The following TSHR variants were observed in gnomAD, a reference collection of about 807,000 sequenced individuals.
TSHR encodes the protein thyroid stimulating hormone receptor, also known as thyrotropin receptor.
A neutral mutation model predicts 64.1 loss-of-function variants in TSHR; 51 were observed. The ratio of observed to expected loss-of-function variants is 0.80; its 90% CI spans 0.64 to 1.01. The LOEUF (loss-of-function observed/expected upper bound fraction) is 1.01. TSHR is among the 50% of genes least tolerant of loss of function. The pLI is 0.00. For missense variants in TSHR, 877 were observed against 942.8 expected (o/e 0.93, Z 0.91); for synonymous variants, 361 against 361.9 (o/e 1.00, Z 0.03).
At chr14:81,021,980 C>T (rs756351166) in intron 1 of TSHR, among the ~76,000 whole-genome samples, 4 of 151,848 alleles carry the variant, frequency 2.6e-5, no homozygotes, top group East Asian at 3.9e-4. Flanking sequence ...TTACAGTAAT[C>T]GGCCGCGTGC....
intron 1 of TSHR, among the ~76,000 whole-genome samples, chr14:80,978,895 A>G (rs749374124): frequency 8.5e-5 from 13 of 152,284 alleles, no homozygotes; most frequent in South Asian, 4.2e-4. Flanking sequence ...ACACTTCTCC[A>G]GCCTCGCCTA....
rs1191129715 is a variant in TSHR at position 80,985,206 on chromosome 14, C to T, written c.170+29356C>T. ...CGGAGCTTGCAGTGGGCGGAGATCG[C>T]GCCACTGCACTCCAGCCTGGGCGAC... is the stretch of plus-strand genomic sequence containing the variant. On this transcript the variant is annotated intron_variant, in intron 1 of 9. Transcript: ENST00000298171. Among the ~76,000 whole-genome samples the T allele has an allele frequency of 3.9e-5, 6 of 152,186 alleles. No homozygotes were observed. In the South Asian group the frequency reaches 8.3e-4, roughly 21 times the overall value.
At chr14:81,138,078 A>G (rs1891524154) in intron 8 of TSHR, among the ~76,000 whole-genome samples, 1 of 152,174 alleles carries the variant, frequency 6.6e-6, no homozygotes, top group Non-Finnish European at 1.5e-5. Context: ...TCTGGCTCAA[A>G]AGTCCCTCCA....
intron 1 of TSHR, among the ~76,000 whole-genome samples, chr14:80,986,305 C>T (rs950380616): frequency 6.6e-6 from 1 of 152,012 alleles, no homozygotes; most frequent in Non-Finnish European, 1.5e-5. Flanking sequence ...GTAAAAAATA[C>T]AGATAGAGAG....
chr14:81,044,772 GA>G (rs1041732271), intron 1 of TSHR, among the ~76,000 whole-genome samples: 98 of 152,004 alleles, frequency 6.4e-4, no homozygotes, highest in African/African-American at 2.2e-3. Context: ...AGATTGCAGA[GA>G]AAAAAAGAAT....
In TSHR at chr14:80,992,859, C is replaced by A. The variant is rs1328352383; in HGVS notation, c.170+37009C>A. ...AAAAACAGGAAAGAGACCGATGAAG[C>A]TTCTAAAAATATTAACTTATTAATA... On this transcript the variant is annotated intron_variant, in intron 1 of 9. Coordinates refer to ENST00000298171, the MANE Select transcript of TSHR (RefSeq NM_000369.5). 3 of 152,128 alleles carry A rather than the reference C, an allele frequency of 2.0e-5. No homozygotes were observed. In the East Asian group the frequency reaches 5.8e-4, roughly 29 times the overall value. The allele number at this position is 152,128 out of a possible 1,614,324, so 9.4% of individuals were successfully genotyped here. A position where few individuals can be genotyped will look rare whatever the true frequency, so the allele number is the denominator to read the frequency against.
intron 8 of TSHR, among the ~76,000 whole-genome samples, chr14:81,112,988 G>C (rs755531034): frequency 1.3e-5 from 2 of 152,288 alleles, no homozygotes; most frequent in South Asian, 4.1e-4. Flanking sequence ...CAGGTCTTTT[G>C]ATTTGCTCTT....
chr14:81,000,678 C>T (rs1176034448), intron 1 of TSHR, among the ~76,000 whole-genome samples: 1 of 152,186 alleles, frequency 6.6e-6, no homozygotes, highest in Non-Finnish European at 1.5e-5. Flanking sequence ...TCTCTCTCCT[C>T]CTATTCTCTC....
chr14:81,109,364 G>A (rs984298950), intron 8 of TSHR, among the ~76,000 whole-genome samples: 16 of 152,028 alleles, frequency 1.1e-4, no homozygotes, highest in Non-Finnish European at 1.5e-4. Flanking sequence ...AGCCCAGATC[G>A]TGCCACTGCA....
intron 1 of TSHR, among the ~76,000 whole-genome samples, chr14:81,029,117 G>C (rs1254445837): frequency 6.6e-6 from 1 of 151,914 alleles, no homozygotes; most frequent in Non-Finnish European, 1.5e-5. Context: ...GAATCATTCT[G>C]TAACCTTTAA....
chr14:81,067,405 G>A (rs1886698612), intron 2 of TSHR, among the ~76,000 whole-genome samples: 1 of 150,700 alleles, frequency 6.6e-6, no homozygotes, highest in African/African-American at 2.4e-5. Flanking sequence ...AGAACTTACA[G>A]TCTAGTGAGA....
At chr14:81,129,309 CCTCATATCCTCA>C (rs1891141564) in intron 8 of TSHR, among the ~76,000 whole-genome samples, 1 of 152,098 alleles carries the variant, frequency 6.6e-6, no homozygotes, top group Admixed American at 6.5e-5. Flanking sequence ...CTCTCACCTC[CCTCATATCCTCA>C]CTCTTTCCTT....
intron 3 of TSHR, among the ~76,000 whole-genome samples, chr14:81,083,415 G>T (rs1350280296): frequency 6.6e-6 from 1 of 150,918 alleles, no homozygotes; most frequent in South Asian, 2.1e-4. Flanking sequence ...ATTAGACAAT[G>T]AATATTTACA....
intron 1 of TSHR, among the ~76,000 whole-genome samples, chr14:80,983,970 T>C (rs530297559): frequency 6.6e-6 from 1 of 152,238 alleles, no homozygotes; most frequent in South Asian, 2.1e-4. Context: ...TGGCTTAAAA[T>C]GGCAAAAAAG....
chr14:80,983,363 A>G, intron 1 of TSHR: 1 of 1,097,842 alleles, frequency 9.1e-7, no homozygotes, highest in Non-Finnish European at 1.3e-6. Context: ...CATCCTTGAG[A>G]AAGTACAAAA....
chr14:81,046,757 A>G (rs957944478), intron 1 of TSHR, among the ~76,000 whole-genome samples: 2 of 152,318 alleles, frequency 1.3e-5, no homozygotes, highest in Admixed American at 6.5e-5. Flanking sequence ...TGATACCAGG[A>G]CATATCATAA....
chr14:81,141,075 G>A (rs751673780), intron 9 of TSHR, among the ~76,000 whole-genome samples: 2 of 152,306 alleles, frequency 1.3e-5, no homozygotes, highest in East Asian at 1.9e-4. Flanking sequence ...GCAGTGAGCC[G>A]AGATCGTGCC....
chr14:81,127,228 G>A (rs1286841336), intron 8 of TSHR, among the ~76,000 whole-genome samples: 1 of 152,154 alleles, frequency 6.6e-6, no homozygotes, highest in East Asian at 1.9e-4. Context: ...TTTTCTGGGA[G>A]TTTACTCCTA....
chr14:81,088,928 T>G (rs1888499317), intron 4 of TSHR, among the ~76,000 whole-genome samples: 1 of 151,134 alleles, frequency 6.6e-6, no homozygotes, highest in African/African-American at 2.4e-5. Flanking sequence ...TGGAATAGCA[T>G]GATAAAGACA....
Sources: allele counts gnomAD v4.1 joint callset (sites outside exome capture counted in the v4.1 genomes callset), GRCh38; gene constraint gnomAD v4.1.1; transcripts MANE v1.5; gene names NCBI Gene and HGNC (gene_info 2026-07-23, HGNC 2026-07-21).